LCORL: variants seen among roughly 807,000 people sequenced by gnomAD.
LCORL encodes ligand-dependent nuclear receptor corepressor-like protein.
In LCORL, 41 loss-of-function variants were observed where a neutral mutation model predicts 141.8. The ratio of observed to expected loss-of-function variants is 0.29; its 90% CI spans 0.23 to 0.38. The LOEUF is 0.38. LCORL is among the 10% of genes least tolerant of loss of function. LCORL has a pLI of 1.00. For missense variants in LCORL, 1,759 were observed against 2,035.0 expected, an observed-to-expected ratio of 0.86 and a Z score of 2.61; for synonymous variants, 618 against 694.1, an observed-to-expected ratio of 0.89 and a Z score of 1.72.
chr4:17,965,855 T>C (rs1038507421), intron 2 of LCORL, among the ~76,000 whole-genome samples: 1 of 152,150 alleles, frequency 6.6e-6, no homozygotes, highest in African/African-American at 2.4e-5. Context: ...AACCTCATTA[T>C]TAATAAATAA....
At chr4:17,946,498 T>A (rs750357195) in intron 4 of LCORL, among the ~76,000 whole-genome samples, 2 of 152,000 alleles carry the variant, frequency 1.3e-5, no homozygotes, top group Admixed American at 6.6e-5. Context: ...TGTTTTTGTT[T>A]TATGTCACAG....
At chr4:18,014,098 G>C (rs1224731638) in intron 1 of LCORL, among the ~76,000 whole-genome samples, 1 of 152,076 alleles carries the variant, frequency 6.6e-6, no homozygotes, top group Admixed American at 6.5e-5. Context: ...ATGGGCCACC[G>C]TGCCCGGCCT....
chr4:17,862,989 T>TA (rs1725176517), intron 7 of LCORL, among the ~76,000 whole-genome samples: 1 of 132,406 alleles, frequency 7.6e-6, no homozygotes, highest in African/African-American at 3.3e-5. Context: ...TAAGATGAAC[T>TA]TAATTAATAA....
exon 8 of LCORL, chr4:17,843,459 T>C: frequency 6.2e-7 from 1 of 1,602,286 alleles, no homozygotes; most frequent in Non-Finnish European, 8.5e-7. Flanking sequence ...TTTAAGATTA[T>C]GTCCAGTTAT....
At chr4:17,846,942 T>A (rs926964142) in intron 7 of LCORL, among the ~76,000 whole-genome samples, 4 of 152,214 alleles carry the variant, frequency 2.6e-5, no homozygotes, top group South Asian at 2.1e-4. Context: ...GATGGTAACA[T>A]TCTTTTCTCT....
chr4:17,894,869 C>T (rs896414983), intron 5 of LCORL, among the ~76,000 whole-genome samples: 2 of 152,060 alleles, frequency 1.3e-5, no homozygotes, highest in Non-Finnish European at 2.9e-5. Flanking sequence ...GGTAAGAATA[C>T]TTCACAGGTG....
chr4:17,850,950 A>C (rs1227627984), intron 7 of LCORL, among the ~76,000 whole-genome samples: 42 of 148,314 alleles, frequency 2.8e-4, no homozygotes, highest in African/African-American at 8.1e-4. Context: ...ATGCAGCCAT[A>C]AAAAATGATG....
intron 5 of LCORL, among the ~76,000 whole-genome samples, chr4:17,894,363 C>G (rs1729561918): frequency 6.6e-6 from 1 of 152,252 alleles, no homozygotes; most frequent in African/African-American, 2.4e-5. Context: ...GCAAGTAACT[C>G]AAACTTGGAT....
chr4:17,978,024 T>C (rs1577613593), intron 1 of LCORL, among the ~76,000 whole-genome samples: 1 of 152,212 alleles, frequency 6.6e-6, no homozygotes, highest in Non-Finnish European at 1.5e-5. Context: ...CCCTCTTATG[T>C]TCATGTTACC....
intron 1 of LCORL, among the ~76,000 whole-genome samples, chr4:18,001,636 CAG>C (rs2109829371): frequency 6.6e-6 from 1 of 152,236 alleles, no homozygotes; most frequent in Admixed American, 6.5e-5. Context: ...GAATGGAAGA[CAG>C]AGAAAGGCAC....
chr4:18,015,877 T>G (rs536892597), intron 1 of LCORL, among the ~76,000 whole-genome samples: 4 of 150,794 alleles, frequency 2.7e-5, no homozygotes, highest in African/African-American at 4.9e-5. Context: ...ATTTTTTAAA[T>G]GAGCTAAAAA....
At chr4:17,978,444 A>G (rs928504944) in intron 1 of LCORL, among the ~76,000 whole-genome samples, 2 of 152,078 alleles carry the variant, frequency 1.3e-5, no homozygotes, top group African/African-American at 2.4e-5. Context: ...AAAAACATCT[A>G]AACAACTGGC....
chr4:17,850,221 G>T (rs1723472379), intron 7 of LCORL, among the ~76,000 whole-genome samples: 1 of 142,558 alleles, frequency 7.0e-6, no homozygotes, highest in Non-Finnish European at 1.5e-5. Context: ...ATAGGCATGG[G>T]CAAGGACTTC....
chr4:18,017,880 T>C (rs1432088429), intron 1 of LCORL, among the ~76,000 whole-genome samples: 1 of 152,170 alleles, frequency 6.6e-6, no homozygotes, highest in Non-Finnish European at 1.5e-5. Context: ...GACAGTATCC[T>C]TGTTTTTTAA....
chr4:17,979,703 A>C (rs1287519872), intron 1 of LCORL, among the ~76,000 whole-genome samples: 1 of 152,184 alleles, frequency 6.6e-6, no homozygotes, highest in East Asian at 1.9e-4. Context: ...TCAAAAGATC[A>C]AATTCCCTAA....
chr4:17,996,095 T>C (rs1053027627), intron 1 of LCORL, among the ~76,000 whole-genome samples: 4 of 152,118 alleles, frequency 2.6e-5, no homozygotes, highest in African/African-American at 7.2e-5. Flanking sequence ...TGTCAGAAAC[T>C]AGAAATATAC....
intron 7 of LCORL, among the ~76,000 whole-genome samples, chr4:17,871,819 A>C (rs541888005): frequency 1.9e-4 from 29 of 152,056 alleles, no homozygotes; most frequent in African/African-American, 6.7e-4. Context: ...GGCACTTTTT[A>C]AAGTTTTGAT....
intron 7 of LCORL, among the ~76,000 whole-genome samples, chr4:17,867,726 A>C (rs1725853379): frequency 6.6e-6 from 1 of 152,216 alleles, no homozygotes; most frequent in South Asian, 2.1e-4. Context: ...AAATAAACTG[A>C]ATGATTTTCT....
chr4:17,885,058 C>A (rs969896748), intron 6 of LCORL, among the ~76,000 whole-genome samples: 2 of 151,846 alleles, frequency 1.3e-5, no homozygotes, highest in African/African-American at 4.8e-5. Context: ...GCTTGCAGAG[C>A]AACACTTATA....
Sources: gnomAD v4.1 joint callset for allele counts (sites outside exome capture counted in the v4.1 genomes callset) on GRCh38, gnomAD v4.1.1 for gene constraint, MANE v1.5 for transcripts, NCBI Gene and HGNC (gene_info 2026-07-23, HGNC 2026-07-21) for gene names.